The following AGBL4 variants were observed in gnomAD, a reference collection of about 807,000 sequenced individuals.
The protein encoded by AGBL4 is cytosolic carboxypeptidase 6.
A neutral mutation model predicts 66.4 loss-of-function variants in AGBL4; 58 were observed. That is an observed-to-expected ratio of 0.87 (90% confidence interval 0.71 to 1.09). The LOEUF (loss-of-function observed/expected upper bound fraction) is 1.09, where lower values mean the gene tolerates loss of function less well. Among genes scored for constraint, AGBL4 ranks in the 50% least tolerant of loss-of-function variants. AGBL4 has a pLI of 0.00. For missense variants in AGBL4, 579 were observed against 631.0 expected (o/e 0.92, Z 0.88); for synonymous variants, 234 against 222.9 (o/e 1.05, Z -0.44).
intron 6 of AGBL4, among the ~76,000 whole-genome samples, chr1:48,814,258 A>C (rs2148761595): frequency 6.6e-6 from 1 of 152,170 alleles, no homozygotes; most frequent in East Asian, 1.9e-4. Context: ...TGCTAACATT[A>C]ACATTTAAGG....
chr1:49,650,153 G>A (rs918780248), intron 3 of AGBL4, among the ~76,000 whole-genome samples: 8 of 152,146 alleles, frequency 5.3e-5, no homozygotes, highest in Non-Finnish European at 1.2e-4. Flanking sequence ...AGAGACATCA[G>A]ATGCCAATTC....
intron 5 of AGBL4, among the ~76,000 whole-genome samples, chr1:49,036,492 G>A (rs550480609): frequency 1.3e-5 from 2 of 152,220 alleles, no homozygotes; most frequent in South Asian, 4.1e-4. Context: ...CTGGGGGTAG[G>A]AGAAAAGAGA....
chr1:49,879,255 T>C (rs1483222092), intron 1 of AGBL4, among the ~76,000 whole-genome samples: 1 of 150,118 alleles, frequency 6.7e-6, no homozygotes, highest in African/African-American at 2.5e-5. Context: ...CTTCCTAGTC[T>C]CGATGGTCTT....
intron 4 of AGBL4, among the ~76,000 whole-genome samples, chr1:49,113,244 C>T (rs1347650705): frequency 6.6e-6 from 1 of 151,946 alleles, no homozygotes; most frequent in African/African-American, 2.4e-5. Flanking sequence ...GCCACCGCAC[C>T]CGGCCTTAAA....
At chr1:49,816,187 T>C (rs573218410) in intron 2 of AGBL4, among the ~76,000 whole-genome samples, 3 of 152,242 alleles carry the variant, frequency 2.0e-5, no homozygotes, top group African/African-American at 7.2e-5. Flanking sequence ...TCAGCTCTTA[T>C]CATTACCACC....
intron 3 of AGBL4, among the ~76,000 whole-genome samples, chr1:49,342,122 C>T (rs1311053460): frequency 6.6e-6 from 1 of 152,140 alleles, no homozygotes; most frequent in Non-Finnish European, 1.5e-5. Context: ...GTTCAAGTCC[C>T]AAGAAGATCA....
At chr1:49,528,469 T>C (rs146550777) in intron 3 of AGBL4, among the ~76,000 whole-genome samples, 27 of 152,202 alleles carry the variant, frequency 1.8e-4, no homozygotes, top group African/African-American at 5.3e-4. Flanking sequence ...TTAAACCTGG[T>C]TCATTTGTTC....
At chr1:49,284,303 T>G (rs966501741) in intron 3 of AGBL4, among the ~76,000 whole-genome samples, 159 of 151,944 alleles carry the variant, frequency 1.0e-3, no homozygotes, top group African/African-American at 3.7e-3. Context: ...AATAAAATAC[T>G]TTACAGACAA....
chr1:49,841,462 A>G (rs1451144333), intron 2 of AGBL4, among the ~76,000 whole-genome samples: 2 of 152,208 alleles, frequency 1.3e-5, no homozygotes, highest in African/African-American at 2.4e-5. Context: ...CCAAATTACC[A>G]ACATCATTTT....
chr1:48,789,718 C>T (rs1037396226), intron 6 of AGBL4, among the ~76,000 whole-genome samples: 6 of 152,114 alleles, frequency 3.9e-5, no homozygotes, highest in Non-Finnish European at 8.8e-5. Context: ...GGGAGACATA[C>T]GTTAAGCTCA....
intron 1 of AGBL4, among the ~76,000 whole-genome samples, chr1:49,972,821 C>T (rs1009306698): frequency 5.3e-5 from 8 of 152,168 alleles, no homozygotes; most frequent in South Asian, 4.1e-4. Flanking sequence ...ATCCATGCTT[C>T]GGACATCCAC....
intron 3 of AGBL4, among the ~76,000 whole-genome samples, chr1:49,534,723 G>A (rs998769122): frequency 6.6e-6 from 1 of 152,222 alleles, no homozygotes; most frequent in African/African-American, 2.4e-5. Flanking sequence ...AAGGGTTTAT[G>A]AAGCTGAACA....
intron 6 of AGBL4, among the ~76,000 whole-genome samples, chr1:48,722,352 A>G (rs1334765400): frequency 6.6e-6 from 1 of 152,214 alleles, no homozygotes; most frequent in East Asian, 1.9e-4. Context: ...TGTTAAGATT[A>G]AAAAGGAGAG....
intron 4 of AGBL4, among the ~76,000 whole-genome samples, chr1:49,080,219 G>C (rs1644784897): frequency 6.6e-6 from 1 of 152,120 alleles, no homozygotes; most frequent in East Asian, 1.9e-4. Context: ...CAGGAAACTA[G>C]ATGGCTCACA....
At chr1:48,946,441 G>A (rs1345620306) in intron 5 of AGBL4, among the ~76,000 whole-genome samples, 7 of 152,164 alleles carry the variant, frequency 4.6e-5, no homozygotes, top group African/African-American at 1.7e-4. Flanking sequence ...CAATGGACTA[G>A]GACACAGATT....
intron 1 of AGBL4, among the ~76,000 whole-genome samples, chr1:49,973,797 G>GC (rs1658340994): frequency 6.6e-6 from 1 of 150,934 alleles, no homozygotes; most frequent in Non-Finnish European, 1.5e-5. Flanking sequence ...GAAAATGCCT[G>GC]CATAGGACAA....
In AGBL4 at chr1:48,710,426, C is replaced by T. The variant is rs112694630; in HGVS notation, c.635-47185G>A. ...CTGTCTGGGGCTGCCCAAAGAAATG[C>T]AGGAGCCAGAGCGTGGGGTGGTTTG... On this transcript the variant is annotated intron_variant, in intron 6 of 13. Coordinates refer to ENST00000371839, the MANE Select transcript of AGBL4 (RefSeq NM_032785.4). Among the ~76,000 whole-genome samples, 203 of 152,278 alleles carry T rather than the reference C, an allele frequency of 1.3e-3. 1 individual carries two copies. The highest frequency in any genetic ancestry group is 4.7e-3 in the African/African-American group (197 of 41,550).
intron 2 of AGBL4, among the ~76,000 whole-genome samples, chr1:49,714,158 A>G (rs1571387537): frequency 6.6e-6 from 1 of 152,174 alleles, no homozygotes; most frequent in South Asian, 2.1e-4. Flanking sequence ...CTAAGGAAGT[A>G]ATTCACAGAA....
chr1:49,922,434 C>T (rs961761113), intron 1 of AGBL4, among the ~76,000 whole-genome samples: 6 of 152,054 alleles, frequency 3.9e-5, no homozygotes, highest in Non-Finnish European at 5.9e-5. Context: ...AATTCAACAT[C>T]GTATTTGAAG....
Sources: allele counts gnomAD v4.1 joint callset (sites outside exome capture counted in the v4.1 genomes callset), GRCh38; gene constraint gnomAD v4.1.1; transcripts MANE v1.5; gene names NCBI Gene and HGNC (gene_info 2026-07-23, HGNC 2026-07-21).